The following SFRP1 variants were observed in gnomAD, a reference collection of about 807,000 sequenced individuals.
SFRP1 encodes secreted frizzled-related protein 1.
Under a neutral mutation model 25.9 loss-of-function variants are expected in SFRP1, and 9 were observed. The observed-to-expected ratio is 0.35, with a 90% CI of 0.21 to 0.61. SFRP1 has a LOEUF of 0.61. SFRP1 is among the 20% of genes least tolerant of loss of function. The pLI is 0.78. For synonymous variants in SFRP1, 178 were observed against 174.0 expected (o/e 1.02, Z -0.18); for missense variants, 346 against 418.2 (o/e 0.83, Z 1.51).
At chr8:41,283,336 C>T (rs1264089719) in intron 2 of SFRP1, among the ~76,000 whole-genome samples, 4 of 152,100 alleles carry the variant, frequency 2.6e-5, no homozygotes, top group Non-Finnish European at 4.4e-5. Flanking sequence ...CCTTGTCCTG[C>T]GAATAGGTCA....
intron 2 of SFRP1, among the ~76,000 whole-genome samples, chr8:41,293,446 T>C (rs1168114528): frequency 1.3e-5 from 2 of 152,240 alleles, no homozygotes; most frequent in African/African-American, 4.8e-5. Flanking sequence ...TGTATTTATT[T>C]ACCAGCTTAG....
chr8:41,278,274 G>C (rs1180463372), intron 2 of SFRP1, among the ~76,000 whole-genome samples: 3 of 152,212 alleles, frequency 2.0e-5, no homozygotes, highest in African/African-American at 7.2e-5. Context: ...AGCTTGGATA[G>C]CAAGAGGCAG....
chr8:41,276,786 T>C lies in SFRP1; in HGVS notation c.623-11297A>G, dbSNP rs181012746. Among the ~76,000 whole-genome samples, 657 of 152,326 alleles carry C rather than the reference T, an allele frequency of 4.3e-3. 1 individual carries two copies. Among genetic ancestry groups the C allele is most frequent in the African/African-American group, 0.015 (608 of 41,576 alleles). On this transcript the variant is annotated intron_variant, in intron 2 of 2. Transcript: ENST00000220772. ...TGAGTGGCTCATTTGGGACAAATTA[T>C]TTAATTGAAGTTGTCCTGTTTTCTG...
At chr8:41,283,686 G>A (rs777794722) in intron 2 of SFRP1, among the ~76,000 whole-genome samples, 3 of 149,884 alleles carry the variant, frequency 2.0e-5, no homozygotes, top group South Asian at 4.2e-4. Context: ...TCAGCCTCCC[G>A]AGAGTAGCTG....
At chr8:41,303,592 G>A (rs994086007) in intron 1 of SFRP1, 54 bp from the exon 2 acceptor site, 12 of 1,453,054 alleles carry the variant, frequency 8.3e-6, no homozygotes, top group African/African-American at 1.4e-5. Context: ...CAGGAAGGGA[G>A]CAGCCCCTGG....
In SFRP1 at chr8:41,262,216, C is replaced by G. The variant is rs558218061; in HGVS notation, c.*2951G>C. The G allele has an allele frequency of 6.6e-6, 1 of 152,274 alleles. No individual in the cohort carries two copies. Among genetic ancestry groups the G allele is most frequent in the Non-Finnish European group, 1.5e-5 (1 of 68,030 alleles). 9.4% of individuals were successfully genotyped at this position (152,274 alleles called of 1,614,324 possible). A position where few individuals can be genotyped will look rare whatever the true frequency, so the allele number is the denominator to read the frequency against. Reference sequence around the variant, plus strand: ...AAACTAGAGGAAACGGGAATTTCATCCATGTCCTGTGTATCTGCTGGCAAC... The same window carrying G: ...AAACTAGAGGAAACGGGAATTTCATGCATGTCCTGTGTATCTGCTGGCAAC... On this transcript the variant is annotated 3_prime_UTR_variant, in exon 3 of 3. Coordinates refer to ENST00000220772, the MANE Select transcript of SFRP1 (RefSeq NM_003012.5).
chr8:41,305,713 T>TCC (rs1803987262), intron 1 of SFRP1, among the ~76,000 whole-genome samples: 1 of 152,226 alleles, frequency 6.6e-6, no homozygotes, highest in African/African-American at 2.4e-5. Flanking sequence ...TTTATTAATA[T>TCC]TTAAGGGTGT....
rs371852246 is a variant in SFRP1 at position 41,299,575 on chromosome 8, G to A, written c.622+3886C>T. On this transcript the variant is annotated intron_variant, in intron 2 of 2. Coordinates refer to ENST00000220772, the MANE Select transcript of SFRP1 (RefSeq NM_003012.5). ...CAGCATTTTGGGAGGCCAAGGTAGG[G>A]GGATCGCTTGAGCCCGGGGGGCGGA... Among the ~76,000 whole-genome samples, 2 of 23,584 alleles carry A rather than the reference G, an allele frequency of 8.5e-5. 1 individual carries two copies. Among genetic ancestry groups the A allele is most frequent in the Non-Finnish European group, 1.7e-4 (2 of 11,970 alleles). The allele number at this position is 23,584 out of a possible 152,430, so 15.5% of individuals were successfully genotyped here. A position where few individuals can be genotyped will look rare whatever the true frequency, so the allele number is the denominator to read the frequency against.
chr8:41,306,700 C>G (rs1447576490), intron 1 of SFRP1: 4 of 1,595,932 alleles, frequency 2.5e-6, no homozygotes, highest in Non-Finnish European at 3.4e-6. Flanking sequence ...TCCTCAAAGA[C>G]CTGTCTTGGG....
intron 1 of SFRP1, chr8:41,306,820 G>A: frequency 6.3e-7 from 1 of 1,598,158 alleles, no homozygotes; most frequent in Non-Finnish European, 8.5e-7. Context: ...GGCAAAAGGT[G>A]TCCGGAAGAC....
chr8:41,268,832 C>G (rs1803468086), intron 2 of SFRP1, among the ~76,000 whole-genome samples: 1 of 152,230 alleles, frequency 6.6e-6, no homozygotes, highest in Non-Finnish European at 1.5e-5. Context: ...CTGATCACCA[C>G]CACCCCATCC....
intron 2 of SFRP1, among the ~76,000 whole-genome samples, chr8:41,274,102 A>G (rs954978108): frequency 6.6e-5 from 10 of 152,164 alleles, no homozygotes; most frequent in Non-Finnish European, 1.5e-4. Context: ...TGGGGGCTGC[A>G]TTGTTCCAAG....
rs1003317133 is a variant in SFRP1 at position 41,263,684 on chromosome 8, A to G, written c.*1483T>C. 6 of 152,238 alleles carry G rather than the reference A, an allele frequency of 3.9e-5. No homozygotes were observed. Among genetic ancestry groups the G allele is most frequent in the Non-Finnish European group, 7.3e-5 (5 of 68,046 alleles). 9.4% of individuals were successfully genotyped at this position (152,238 alleles called of 1,614,324 possible). A position where few individuals can be genotyped will look rare whatever the true frequency, so the allele number is the denominator to read the frequency against. Reference sequence around the variant, plus strand: ...AACTACTTCCTGTACATTGGACAAGAAGGGTAAAGTTGTCTAAGTGAACTG... The same window carrying G: ...AACTACTTCCTGTACATTGGACAAGGAGGGTAAAGTTGTCTAAGTGAACTG... On this transcript the variant is annotated 3_prime_UTR_variant, in exon 3 of 3. Coordinates refer to ENST00000220772, the MANE Select transcript of SFRP1 (RefSeq NM_003012.5).
chr8:41,274,249 C>T (rs7002340), intron 2 of SFRP1, among the ~76,000 whole-genome samples: 170 of 152,286 alleles, frequency 1.1e-3, no homozygotes, highest in African/African-American at 3.8e-3. Context: ...ACAAAAAAGC[C>T]TAAAGCTCCA....
chr8:41,275,270 G>A lies in SFRP1; in HGVS notation c.623-9781C>T, dbSNP rs576780035. The A allele has an allele frequency of 4.4e-4, 184 of 416,772 alleles. 3 individuals are homozygous for A. The highest frequency in any genetic ancestry group is 3.1e-3 in the South Asian group (183 of 58,930). The allele number at this position is 416,772 out of a possible 1,614,324, so 25.8% of individuals were successfully genotyped here. ...TAGGAGAGCGAGAGGGGATGAATGG[G>A]GGCCTAGCCATCTGGGATGACGGGG... On this transcript the variant is annotated intron_variant, in intron 2 of 2. Transcript: ENST00000220772.
intron 2 of SFRP1, among the ~76,000 whole-genome samples, chr8:41,270,833 AAGAAAAAG>A (rs1252467174): frequency 6.7e-6 from 1 of 149,682 alleles, no homozygotes; most frequent in African/African-American, 2.5e-5. Flanking sequence ...AAAAAAAAAA[AAGAAAAAG>A]AAAAGAAAAG....
intron 1 of SFRP1, among the ~76,000 whole-genome samples, chr8:41,308,141 G>C (rs1320363144): frequency 6.6e-6 from 1 of 152,214 alleles, no homozygotes; most frequent in Non-Finnish European, 1.5e-5. Flanking sequence ...ATAAACAAAA[G>C]CTGCTCCAAG....
At chr8:41,305,876 T>C (rs906635721) in intron 1 of SFRP1, among the ~76,000 whole-genome samples, 5 of 152,138 alleles carry the variant, frequency 3.3e-5, no homozygotes, top group African/African-American at 9.7e-5. Context: ...GGCCAGTTCC[T>C]GGGGGGACCA....
intron 1 of SFRP1, among the ~76,000 whole-genome samples, 153 bp downstream of exon 1, chr8:41,308,463 G>A (rs2117525750): frequency 6.6e-6 from 1 of 152,352 alleles, no homozygotes; most frequent in East Asian, 1.9e-4. Context: ...ACGCGCTTAG[G>A]AATCACGTGC....
Sources: gnomAD v4.1 joint callset for allele counts (sites outside exome capture counted in the v4.1 genomes callset) on GRCh38, gnomAD v4.1.1 for gene constraint, MANE v1.5 for transcripts, NCBI Gene and HGNC (gene_info 2026-07-23, HGNC 2026-07-21) for gene names.